DNAJC21: variants seen among roughly 807,000 people sequenced by gnomAD.
The protein encoded by DNAJC21 is DnaJ heat shock protein family (Hsp40) member C21, also known as dnaJ homolog subfamily C member 21.
A neutral mutation model predicts 72.4 loss-of-function variants in DNAJC21; 63 were observed. The ratio of observed to expected loss-of-function variants is 0.87; its 90% CI spans 0.71 to 1.07. The LOEUF (loss-of-function observed/expected upper bound fraction) is 1.07. DNAJC21 is among the 50% of genes least tolerant of loss of function. The pLI is 0.00. For synonymous variants in DNAJC21, 203 were observed against 216.7 expected (o/e 0.94, Z 0.56); for missense variants, 634 against 644.8 (o/e 0.98, Z 0.18).
At chr5:34,950,825 G>A (rs1765339686) in intron 10 of DNAJC21, 27 of 985,826 alleles carry the variant, frequency 2.7e-5, no homozygotes, top group Non-Finnish European at 3.0e-5. Flanking sequence ...ACAAGGCCAT[G>A]GTGTGGACTA....
chr5:34,944,850 T>A lies in DNAJC21; in HGVS notation c.984-17T>A, dbSNP rs1283652801. 1 of 1,614,052 alleles carries A rather than the reference T, an allele frequency of 6.2e-7. No individual in the cohort carries two copies. The highest frequency in any genetic ancestry group is 1.1e-5 in the South Asian group (1 of 91,016). On this transcript the variant is annotated splice_polypyrimidine_tract_variant and intron_variant, in intron 7 of 11. Coordinates refer to ENST00000648817, the MANE Select transcript of DNAJC21 (RefSeq NM_001012339.3). ...ACTAATTTTAGCGCAGCTGCTCACG[T>A]CAGATTGCTCTTTCAGCATGAAGAA... is the stretch of plus-strand genomic sequence containing the variant.
chr5:34,945,606 T>C (rs544097335), intron 8 of DNAJC21, 155 bp from the exon 9 acceptor site: 13 of 604,284 alleles, frequency 2.2e-5, no homozygotes, highest in Non-Finnish European at 3.5e-5. Context: ...ACAATGTGAA[T>C]ACTTTATTTT....
chr5:34,929,998 G>A (rs1580518722), intron 1 of DNAJC21, 82 bp downstream of exon 1: 1 of 1,158,486 alleles, frequency 8.6e-7, no homozygotes, highest in Non-Finnish European at 1.2e-6. Flanking sequence ...GGCGGACTCC[G>A]CGGAGCCAGC....
intron 9 of DNAJC21, among the ~76,000 whole-genome samples, chr5:34,947,480 T>C (rs1765206270): frequency 6.6e-6 from 1 of 152,184 alleles, no homozygotes; most frequent in Admixed American, 6.5e-5. Context: ...TAATCACATA[T>C]TTAATGTTGT....
chr5:34,952,123 A>ATGTGTGTGTG lies in DNAJC21; in HGVS notation c.1359-1785_1359-1776dup, dbSNP rs3220525. On this transcript the variant is annotated intron_variant, in intron 10 of 11. Coordinates refer to ENST00000648817, the MANE Select transcript of DNAJC21 (RefSeq NM_001012339.3). ...CTACTGAGAAGTGTTTTTTTAAAAA[A>ATGTGTGTGTG]TGTGTGTGTGTGTGTGTGTGTGTGT... 1.0e-2 allele frequency: 9,420 copies of ATGTGTGTGTG among 946,268 alleles called. 11 individuals are homozygous for ATGTGTGTGTG. The highest frequency in any genetic ancestry group is 0.011 in the Non-Finnish European group (8,797 of 796,750). The allele number at this position is 946,268 out of a possible 1,614,324, so 58.6% of individuals were successfully genotyped here.
At chr5:34,937,931 A>G (rs2112041835) in intron 5 of DNAJC21, among the ~76,000 whole-genome samples, 1 of 152,194 alleles carries the variant, frequency 6.6e-6, no homozygotes, top group African/African-American at 2.4e-5. Context: ...AGTAGCTGGG[A>G]TTGCAGGTGT....
chr5:34,939,426 C>A (rs868606680), intron 6 of DNAJC21, among the ~76,000 whole-genome samples: 1 of 152,060 alleles, frequency 6.6e-6, no homozygotes, highest in African/African-American at 2.4e-5. Flanking sequence ...CCACCGCGCC[C>A]GGCTAATTTT....
intron 9 of DNAJC21, among the ~76,000 whole-genome samples, chr5:34,946,317 T>C (rs1053615968): frequency 6.6e-6 from 1 of 152,146 alleles, no homozygotes; most frequent in African/African-American, 2.4e-5. Flanking sequence ...CCAAATTCAT[T>C]CTCTGTCTTA....
At chr5:34,930,882 A>G (rs1220210714) in intron 1 of DNAJC21, among the ~76,000 whole-genome samples, 3 of 152,234 alleles carry the variant, frequency 2.0e-5, no homozygotes, top group South Asian at 2.1e-4. Context: ...AAATCGCAAC[A>G]TACATAATTG....
At chr5:34,945,895 CTTATACTCCATAAT>C in intron 9 of DNAJC21, 92 bp downstream of exon 9, 1 of 814,596 alleles carries the variant, frequency 1.2e-6, no homozygotes, top group South Asian at 2.8e-5. Context: ...AGGAGAGAAA[CTTATACTCCATAAT>C]TTTATGTTGA....
chr5:34,933,012 T>C (rs1489169240), intron 1 of DNAJC21, among the ~76,000 whole-genome samples: 1 of 152,250 alleles, frequency 6.6e-6, no homozygotes, highest in Admixed American at 6.5e-5. Flanking sequence ...GGTACCACCC[T>C]GAGGCAAGGA....
Position 34,937,487 on chromosome 5 carries a change from T to G in DNAJC21, c.600T>G (p.Asn200Lys). 6.2e-7 allele frequency: 1 copy of G among 1,614,140 alleles called. No individual in the cohort carries two copies. Among genetic ancestry groups the G allele is most frequent in the Non-Finnish European group, 8.5e-7 (1 of 1,179,988 alleles). Residue 200 changes from asparagine (N) to lysine (K), a missense_variant, in exon 5 of 12, where the codon AAT (asparagine) becomes AAG (lysine). Transcript: ENST00000648817. ...GGGACAAAGCAAGGAAAGAGAAGAATGAGCTTGTCCGTCAGCTGGTAGCTT... is the reference window on the plus strand; with the variant it reads ...GGGACAAAGCAAGGAAAGAGAAGAAGGAGCTTGTCCGTCAGCTGGTAGCTT... The part of the protein sequence containing the change: ...KIRDKARKEK[N>K]ELVRQLVAFI...
At chr5:34,941,291 GAACTCA>G in intron 7 of DNAJC21, 108 bp downstream of exon 7, 1 of 943,010 alleles carries the variant, frequency 1.1e-6, no homozygotes. Context: ...TCGACCTGTT[GAACTCA>G]GATGATCCTC....
intron 5 of DNAJC21, 140 bp from the exon 6 acceptor site, chr5:34,938,718 C>CT: frequency 1.1e-6 from 1 of 916,224 alleles, no homozygotes; most frequent in East Asian, 3.2e-5. Flanking sequence ...TTGGTTTTAA[C>CT]TAAGCACAGG....
chr5:34,937,875 A>G (rs1298790688), intron 5 of DNAJC21, among the ~76,000 whole-genome samples: 1 of 152,134 alleles, frequency 6.6e-6, no homozygotes, highest in African/African-American at 2.4e-5. Flanking sequence ...GGCTCACTGC[A>G]ACCTCCGCCT....
At chr5:34,934,937 C>T (rs1167051206) in intron 2 of DNAJC21, among the ~76,000 whole-genome samples, 1 of 152,214 alleles carries the variant, frequency 6.6e-6, no homozygotes, top group African/African-American at 2.4e-5. Flanking sequence ...CTTAGAATTG[C>T]TTTTGCCTTC....
intron 5 of DNAJC21, 48 bp from the exon 6 acceptor site, chr5:34,938,810 C>T: frequency 6.7e-7 from 1 of 1,499,448 alleles, no homozygotes; most frequent in Non-Finnish European, 8.9e-7. Context: ...AAGTGAAAAC[C>T]ATGCAGAGGC....
chr5:34,929,803 G>C lies in DNAJC21; in HGVS notation c.-17G>C. The C allele has an allele frequency of 7.3e-7, 1 of 1,375,406 alleles. No homozygotes were observed. Among genetic ancestry groups the C allele is most frequent in the African/African-American group, 1.5e-5 (1 of 64,902 alleles). 85.2% of individuals were successfully genotyped at this position (1,375,406 alleles called of 1,614,324 possible). ...CCCGTCCCGGGCCCCAGCGCCGGCCGCCCGCCCGGTCGGGCGATGAAGTGT... is the reference window on the plus strand; with the variant it reads ...CCCGTCCCGGGCCCCAGCGCCGGCCCCCCGCCCGGTCGGGCGATGAAGTGT... On this transcript the variant is annotated 5_prime_UTR_variant, in exon 1 of 12. Coordinates refer to ENST00000648817, the MANE Select transcript of DNAJC21 (RefSeq NM_001012339.3).
chr5:34,958,582 A>T lies in DNAJC21; in HGVS notation c.*3868A>T, dbSNP rs1431247565. On this transcript the variant is annotated 3_prime_UTR_variant, in exon 12 of 12. Transcript: ENST00000648817. ...AAAAACATGGCTTCTGTAGAACAAT[A>T]GAGACTGTAAAAGAACAAGCTACAG... The T allele has an allele frequency of 1.3e-5, 2 of 152,264 alleles. No individual in the cohort carries two copies. The highest frequency in any genetic ancestry group is 2.9e-5 in the Non-Finnish European group (2 of 68,046). 9.4% of individuals were successfully genotyped at this position (152,264 alleles called of 1,614,324 possible). A position where few individuals can be genotyped will look rare whatever the true frequency, so the allele number is the denominator to read the frequency against.
Sources: gnomAD v4.1 joint callset for allele counts (sites outside exome capture counted in the v4.1 genomes callset) on GRCh38, gnomAD v4.1.1 for gene constraint, MANE v1.5 for transcripts, NCBI Gene and HGNC (gene_info 2026-07-23, HGNC 2026-07-21) for gene names.